The following AKT3 variants were observed in gnomAD, a reference collection of about 807,000 sequenced individuals.
AKT3 encodes AKT serine/threonine kinase 3.
Under a neutral mutation model 65.3 loss-of-function variants are expected in AKT3, and 15 were observed. The observed-to-expected ratio is 0.23, with a 90% CI of 0.15 to 0.35. The LOEUF (loss-of-function observed/expected upper bound fraction) is 0.35. Ranked by LOEUF, AKT3 falls within the 10% of genes least tolerant of loss-of-function variation. The pLI is 1.00. For synonymous variants in AKT3, 206 were observed against 183.8 expected (o/e 1.12, Z -0.98); for missense variants, 243 against 576.5 (o/e 0.42, Z 5.92).
At chr1:243,753,025 CA>C (rs1688904976) in intron 2 of AKT3, among the ~76,000 whole-genome samples, 1 of 152,190 alleles carries the variant, frequency 6.6e-6, no homozygotes, top group Non-Finnish European at 1.5e-5. Context: ...CTACCAGTCA[CA>C]AGGTCTTCAT....
chr1:243,548,854 T>C (rs1269986720), intron 11 of AKT3, among the ~76,000 whole-genome samples: 4 of 152,186 alleles, frequency 2.6e-5, no homozygotes, highest in South Asian at 2.1e-4. Flanking sequence ...GACCCTTGGA[T>C]AGAACTAACA....
intron 12 of AKT3, among the ~76,000 whole-genome samples, chr1:243,540,985 T>A (rs1383151476): frequency 6.6e-6 from 1 of 152,180 alleles, no homozygotes; most frequent in East Asian, 1.9e-4. Flanking sequence ...TTACTGGTGA[T>A]GTTAACCGTG....
chr1:243,597,528 G>C (rs1676706947), intron 8 of AKT3, among the ~76,000 whole-genome samples: 1 of 152,120 alleles, frequency 6.6e-6, no homozygotes, highest in Non-Finnish European at 1.5e-5. Context: ...TTTGGTGACA[G>C]GGTCTCACTC....
intron 12 of AKT3, among the ~76,000 whole-genome samples, chr1:243,531,886 T>A (rs1469918065): frequency 1.3e-5 from 2 of 152,196 alleles, no homozygotes; most frequent in Non-Finnish European, 2.9e-5. Context: ...ATGAAATTGA[T>A]CTTCTTAAGA....
At chr1:243,631,671 A>G (rs1445267443) in intron 6 of AKT3, among the ~76,000 whole-genome samples, 2 of 152,218 alleles carry the variant, frequency 1.3e-5, no homozygotes, top group Non-Finnish European at 2.9e-5. Context: ...TTCGCATGCC[A>G]TGCTGCTTAT....
At chr1:243,789,626 C>T (rs534952823) in intron 2 of AKT3, among the ~76,000 whole-genome samples, 2 of 152,302 alleles carry the variant, frequency 1.3e-5, no homozygotes, top group African/African-American at 4.8e-5. Flanking sequence ...ATTCTGACCT[C>T]CTCCCATGAT....
chr1:243,820,621 C>A (rs1693801161), intron 2 of AKT3, among the ~76,000 whole-genome samples: 1 of 152,108 alleles, frequency 6.6e-6, no homozygotes, highest in Admixed American at 6.6e-5. Flanking sequence ...CCCAATAGAA[C>A]TGAAAAACAC....
At chr1:243,523,435 C>T (rs1043129030) in intron 12 of AKT3, among the ~76,000 whole-genome samples, 2 of 152,084 alleles carry the variant, frequency 1.3e-5, no homozygotes, top group Admixed American at 6.6e-5. Flanking sequence ...AACTCTCAAA[C>T]AGGACTTTAA....
intron 6 of AKT3, among the ~76,000 whole-genome samples, chr1:243,627,570 T>C (rs1020661224): frequency 3.3e-5 from 5 of 152,184 alleles, no homozygotes; most frequent in African/African-American, 9.7e-5. Context: ...GATGACATTA[T>C]GACGGTATCA....
At chr1:243,592,253 T>A (rs1478765263) in intron 8 of AKT3, among the ~76,000 whole-genome samples, 1 of 151,432 alleles carries the variant, frequency 6.6e-6, no homozygotes, top group African/African-American at 2.4e-5. Context: ...GAGAATGGCG[T>A]GAACCCAGGA....
In AKT3 at chr1:243,499,872, G is replaced by C; in HGVS notation, c.*5377C>G. 7.6e-7 allele frequency: 1 copy of C among 1,316,998 alleles called. No homozygotes were observed. The highest frequency in any genetic ancestry group is 1.1e-6 in the Non-Finnish European group (1 of 923,698). The allele number at this position is 1,316,998 out of a possible 1,614,324, so 81.6% of individuals were successfully genotyped here. ...GACTTAATATGCCACAACGCACCAC[G>C]ACCTTCCCAGGGTGACACCGCCTCA... On this transcript the variant is annotated 3_prime_UTR_variant, in exon 14 of 14. Transcript: ENST00000673466.
intron 5 of AKT3, among the ~76,000 whole-genome samples, chr1:243,641,392 T>C (rs953120758): frequency 2.0e-5 from 3 of 151,514 alleles, no homozygotes; most frequent in Non-Finnish European, 4.4e-5. Flanking sequence ...CTCAGAAACA[T>C]TATTTTCATA....
At chr1:243,530,554 G>A (rs564322969) in intron 12 of AKT3, among the ~76,000 whole-genome samples, 5 of 152,160 alleles carry the variant, frequency 3.3e-5, no homozygotes, top group South Asian at 2.1e-4. Flanking sequence ...AGCACTAAAC[G>A]CCCACATAAA....
At chr1:243,609,814 T>C (rs1189313431) in intron 8 of AKT3, among the ~76,000 whole-genome samples, 3 of 152,222 alleles carry the variant, frequency 2.0e-5, no homozygotes, top group African/African-American at 7.2e-5. Flanking sequence ...AATCTGCTTT[T>C]AGTGTAAAAT....
intron 8 of AKT3, among the ~76,000 whole-genome samples, chr1:243,577,411 C>G (rs746971514): frequency 6.6e-6 from 1 of 152,044 alleles, no homozygotes; most frequent in East Asian, 1.9e-4. Flanking sequence ...CCTCTCAAAG[C>G]GCTGGGATTA....
rs1200487779 is a variant in AKT3, at chr1:243,688,632, T to C, written c.172+6959A>G. ...ATGGTAGCAGTAAGACTGAAAAGGA[T>C]GAGGACTAAACTGTATCTTGCTGAC... is the stretch of plus-strand genomic sequence containing the variant. On this transcript the variant is annotated intron_variant, in intron 3 of 13. Coordinates refer to ENST00000673466, the MANE Select transcript of AKT3 (RefSeq NM_005465.7). Among the ~76,000 whole-genome samples, 3 of 152,152 alleles carry C rather than the reference T, an allele frequency of 2.0e-5. No homozygotes were observed. In the East Asian group the frequency reaches 5.8e-4, roughly 29 times the overall value.
intron 2 of AKT3, among the ~76,000 whole-genome samples, chr1:243,713,258 T>A (rs775841432): frequency 1.1e-4 from 17 of 152,286 alleles, no homozygotes; most frequent in Admixed American, 9.2e-4. Flanking sequence ...TTATCTACCA[T>A]CAACACGGAG....
At chr1:243,625,665 G>T (rs1679106139) in intron 6 of AKT3, among the ~76,000 whole-genome samples, 1 of 152,176 alleles carries the variant, frequency 6.6e-6, no homozygotes, top group South Asian at 2.1e-4. Flanking sequence ...GGAAGCAGGG[G>T]TTATGTGTGA....
intron 2 of AKT3, among the ~76,000 whole-genome samples, chr1:243,804,726 A>C (rs1188243977): frequency 6.6e-6 from 1 of 152,058 alleles, no homozygotes; most frequent in African/African-American, 2.4e-5. Flanking sequence ...AGGCACCTGT[A>C]GTCCCAGCTA....
Sources: allele counts gnomAD v4.1 joint callset (sites outside exome capture counted in the v4.1 genomes callset), GRCh38; gene constraint gnomAD v4.1.1; transcripts MANE v1.5; gene names NCBI Gene and HGNC (gene_info 2026-07-23, HGNC 2026-07-21).